ZNF277: variants seen among roughly 807,000 people sequenced by gnomAD.
The protein encoded by ZNF277 is nuclear receptor-interacting factor 4.
ZNF277 carries 55 observed loss-of-function variants against 60.7 expected under a neutral mutation model. The observed-to-expected ratio is 0.91, with a 90% confidence interval of 0.73 to 1.13. The LOEUF is 1.13. Among genes scored for constraint, ZNF277 ranks in the 50% most tolerant of loss-of-function variants. The probability of loss-of-function intolerance (pLI) is 0.00; values close to 1 mark genes in which losing one functional copy is unlikely to be tolerated. For missense variants in ZNF277, 510 were observed against 523.0 expected, an observed-to-expected ratio of 0.98 and a Z score of 0.24; for synonymous variants, 178 against 179.3, an observed-to-expected ratio of 0.99 and a Z score of 0.06.
intron 1 of ZNF277, among the ~76,000 whole-genome samples, chr7:112,217,935 G>A (rs749676912): frequency 4.6e-5 from 7 of 152,020 alleles, no homozygotes; most frequent in Non-Finnish European, 7.4e-5. Flanking sequence ...CTGACTTAGC[G>A]CAAGAAGACA....
chr7:112,245,971 G>A (rs530995140), intron 1 of ZNF277, among the ~76,000 whole-genome samples: 2 of 152,256 alleles, frequency 1.3e-5, no homozygotes, highest in South Asian at 2.1e-4. Context: ...CCTTTGATAA[G>A]CATGGTTCCA....
chr7:112,322,342 G>C (rs1364199926), intron 5 of ZNF277, among the ~76,000 whole-genome samples: 1 of 151,918 alleles, frequency 6.6e-6, no homozygotes, highest in Non-Finnish European at 1.5e-5. Flanking sequence ...CTCTGTAGCT[G>C]TGTTTATTTT....
intron 1 of ZNF277, among the ~76,000 whole-genome samples, chr7:112,247,967 CA>C (rs10717200): frequency 0.91 from 131,839 of 144,618 alleles, 60,093 homozygotes; most frequent in South Asian, 0.96. Flanking sequence ...AACTCCATCT[CA>C]AAAAAAAAAA....
At chr7:112,326,740 T>G (rs1410248426) in intron 5 of ZNF277, among the ~76,000 whole-genome samples, 1 of 151,622 alleles carries the variant, frequency 6.6e-6, no homozygotes, top group East Asian at 1.9e-4. Flanking sequence ...AACATTTTTT[T>G]GGGGGGGGAC....
At chr7:112,264,219 C>G (rs1190649818) in intron 1 of ZNF277, among the ~76,000 whole-genome samples, 1 of 151,194 alleles carries the variant, frequency 6.6e-6, no homozygotes, top group Admixed American at 6.6e-5. Context: ...CTTATGTATA[C>G]TAATATTCAA....
intron 1 of ZNF277, among the ~76,000 whole-genome samples, chr7:112,260,133 G>T (rs912046302): frequency 2.0e-5 from 3 of 152,098 alleles, no homozygotes; most frequent in Non-Finnish European, 4.4e-5. Flanking sequence ...CGGCATGGTG[G>T]TGTGCGCCTG....
intron 1 of ZNF277, among the ~76,000 whole-genome samples, chr7:112,250,173 A>T (rs1587116763): frequency 6.6e-6 from 1 of 152,186 alleles, no homozygotes; most frequent in Non-Finnish European, 1.5e-5. Flanking sequence ...GTTTAGTCTC[A>T]ACTCTTATGG....
At chr7:112,283,781 TAAAG>T (rs1174303497) in intron 1 of ZNF277, among the ~76,000 whole-genome samples, 3 of 151,728 alleles carry the variant, frequency 2.0e-5, no homozygotes, top group African/African-American at 7.3e-5. Context: ...TGGGAAAAAA[TAAAG>T]AAAATTATGG....
intron 1 of ZNF277, among the ~76,000 whole-genome samples, chr7:112,207,275 G>C (rs1242418226): frequency 1.3e-5 from 2 of 152,182 alleles, no homozygotes; most frequent in East Asian, 3.8e-4. Flanking sequence ...GTCGCAGACT[G>C]GTGGTCACTG....
At chr7:112,232,547 G>A (rs1010213350) in intron 1 of ZNF277, among the ~76,000 whole-genome samples, 22 of 152,190 alleles carry the variant, frequency 1.4e-4, no homozygotes, top group African/African-American at 5.3e-4. Context: ...CATTACAGTT[G>A]ATGATAATCT....
chr7:112,257,940 A>G (rs564935762), intron 1 of ZNF277, among the ~76,000 whole-genome samples: 1 of 151,954 alleles, frequency 6.6e-6, no homozygotes, highest in African/African-American at 2.4e-5. Context: ...TAGCCTTCCA[A>G]GTAGGTAGGA....
intron 1 of ZNF277, among the ~76,000 whole-genome samples, chr7:112,222,298 G>T (rs192303382): frequency 6.6e-6 from 1 of 152,320 alleles, no homozygotes; most frequent in East Asian, 1.9e-4. Context: ...GAATTCAGCG[G>T]TGACATCGTT....
rs1323777784 is a variant in ZNF277, at chr7:112,230,190, GC to G, written c.91+23385del. On this transcript the variant is annotated intron_variant, in intron 1 of 11. Coordinates refer to ENST00000361822, the MANE Select transcript of ZNF277 (RefSeq NM_021994.3). ...GCCTGTAATCTCAGCACTCTGGGAG[GC>G]CAAGGTGGGTGTATCACCTGAAGTC... 5.9e-5 allele frequency among the ~76,000 whole-genome samples: 9 copies of G among 152,258 alleles called. No homozygotes were observed. In the South Asian group the frequency reaches 1.9e-3, roughly 32 times the overall value.
intron 7 of ZNF277, among the ~76,000 whole-genome samples, chr7:112,333,466 C>T (rs10953711): frequency 0.2 from 30,270 of 152,056 alleles, 3,618 homozygotes; most frequent in African/African-American, 0.33. Flanking sequence ...AGTCAGCGTT[C>T]GACCTCTCCT....
intron 1 of ZNF277, among the ~76,000 whole-genome samples, chr7:112,210,472 T>G (rs1313920605): frequency 2.7e-5 from 4 of 150,798 alleles, no homozygotes. Context: ...TTTGTTTTTT[T>G]TTTTTGTTTT....
At chr7:112,282,200 C>G (rs1045699531) in intron 1 of ZNF277, among the ~76,000 whole-genome samples, 7 of 152,224 alleles carry the variant, frequency 4.6e-5, no homozygotes, top group Non-Finnish European at 8.8e-5. Context: ...TAGAGGTATA[C>G]ACATAAATAA....
intron 4 of ZNF277, among the ~76,000 whole-genome samples, chr7:112,306,856 A>G (rs1021956474): frequency 7.9e-5 from 12 of 152,106 alleles, no homozygotes; most frequent in Non-Finnish European, 4.4e-5. Flanking sequence ...TGCATTGCAG[A>G]ACTTGCTTGG....
chr7:112,225,003 A>G (rs1355782046), intron 1 of ZNF277, among the ~76,000 whole-genome samples: 1 of 152,162 alleles, frequency 6.6e-6, no homozygotes, highest in Non-Finnish European at 1.5e-5. Context: ...AAAAGCAACA[A>G]ATATAGAGGA....
At chr7:112,274,066 T>A (rs1329140210) in intron 1 of ZNF277, among the ~76,000 whole-genome samples, 1 of 151,446 alleles carries the variant, frequency 6.6e-6, no homozygotes, top group Non-Finnish European at 1.5e-5. Context: ...TATATCTTGT[T>A]AGAAAAGTTT....
Sources: allele counts gnomAD v4.1 joint callset (sites outside exome capture counted in the v4.1 genomes callset), GRCh38; gene constraint gnomAD v4.1.1; transcripts MANE v1.5; gene names NCBI Gene and HGNC (gene_info 2026-07-23, HGNC 2026-07-21).